DDX1: variants seen among roughly 807,000 people sequenced by gnomAD.
The protein encoded by DDX1 is DEAD-box helicase 1, also known as ATP-dependent RNA helicase DDX1.
DDX1 carries 28 observed loss-of-function variants against 108.7 expected under a neutral mutation model. The ratio of observed to expected loss-of-function variants is 0.26; its 90% confidence interval spans 0.19 to 0.35. The LOEUF (loss-of-function observed/expected upper bound fraction) is 0.35, where lower values mean the gene tolerates loss of function less well. Among genes scored for constraint, DDX1 ranks in the 10% least tolerant of loss-of-function variants. DDX1 has a pLI of 1.00. For synonymous variants in DDX1, 295 were observed against 288.9 expected (o/e 1.02, Z -0.21); for missense variants, 710 against 884.5 (o/e 0.80, Z 2.50).
At chr2:15,596,216 T>G (rs888187493) in intron 3 of DDX1, among the ~76,000 whole-genome samples, 2 of 152,112 alleles carry the variant, frequency 1.3e-5, no homozygotes, top group Non-Finnish European at 2.9e-5. Context: ...GCTTTTTAGG[T>G]AGAGAGAATA....
intron 23 of DDX1, 85 bp downstream of exon 23, chr2:15,628,924 T>G (rs150139049): frequency 4.5e-6 from 6 of 1,323,176 alleles, no homozygotes; most frequent in Non-Finnish European, 6.5e-6. Flanking sequence ...TTTTCCCATT[T>G]AAATTTAATT....
At chr2:15,603,164 T>C (rs1190443568) in intron 7 of DDX1, 28 bp from the exon 8 acceptor site, 1 of 1,455,688 alleles carries the variant, frequency 6.9e-7, no homozygotes, top group Admixed American at 1.9e-5. Flanking sequence ...GTGATTTATA[T>C]AAATCTCAAT....
intron 16 of DDX1, among the ~76,000 whole-genome samples, chr2:15,619,593 C>G (rs751402016): frequency 6.6e-6 from 1 of 152,198 alleles, no homozygotes; most frequent in African/African-American, 2.4e-5. Flanking sequence ...TTTGTTTGGT[C>G]CCCTCTCATT....
chr2:15,618,055 G>A, intron 15 of DDX1, 126 bp from the exon 16 acceptor site: 1 of 533,422 alleles, frequency 1.9e-6, no homozygotes. Flanking sequence ...ATAGGACTAT[G>A]TATATGCATG....
chr2:15,629,876 T>G lies in DDX1; in HGVS notation c.1972-114T>G, dbSNP rs1485313522. The G allele has an allele frequency of 2.6e-6, 3 of 1,155,554 alleles. No homozygotes were observed. In the African/African-American group the frequency reaches 4.8e-5, roughly 18 times the overall value. 71.6% of individuals were successfully genotyped at this position (1,155,554 alleles called of 1,614,324 possible). A position where few individuals can be genotyped will look rare whatever the true frequency, so the allele number is the denominator to read the frequency against. ...AGTTGTGAATTTCTCTCTTCAGAAATCTGACTTCCATTTATACCAAGCATT... is the reference window on the plus strand; with the variant it reads ...AGTTGTGAATTTCTCTCTTCAGAAAGCTGACTTCCATTTATACCAAGCATT... On this transcript the variant is annotated intron_variant, in intron 24 of 25. Transcript: ENST00000233084.
intron 16 of DDX1, 49 bp downstream of exon 16, chr2:15,618,319 G>GTA (rs1227037315): frequency 7.2e-6 from 7 of 978,930 alleles, no homozygotes; most frequent in Non-Finnish European, 1.1e-5. Flanking sequence ...CAATTGTTAT[G>GTA]TATAATGTTA....
chr2:15,630,155 C>T lies in DDX1; in HGVS notation c.2092+45C>T, dbSNP rs565738232. The T allele has an allele frequency of 1.6e-4, 259 of 1,601,574 alleles. 2 individuals are homozygous for T. In the South Asian group the frequency reaches 2.8e-3, roughly 17 times the overall value. The stretch of plus-strand genomic sequence containing the variant: ...AAATACAATTTTAAATGTAAATATA[C>T]CTGTTTTGAACTTCGGTTTGGGAAG... On this transcript the variant is annotated intron_variant, in intron 25 of 25. Coordinates refer to ENST00000233084, the MANE Select transcript of DDX1 (RefSeq NM_004939.3).
In DDX1 at chr2:15,620,416, A is replaced by G. The variant is rs1573049004; in HGVS notation, c.1395+20A>G. 6.3e-7 allele frequency: 1 copy of G among 1,587,682 alleles called. No individual in the cohort carries two copies. The highest frequency in any genetic ancestry group is 1.1e-5 in the South Asian group (1 of 87,790). The stretch of plus-strand genomic sequence containing the variant: ...ATTAGAGTAAGTGGTTTATAATATT[A>G]ACATTTATGTAGAATAAAGCAATTT... On this transcript the variant is annotated intron_variant, in intron 17 of 25. Coordinates refer to ENST00000233084, the MANE Select transcript of DDX1 (RefSeq NM_004939.3).
At chr2:15,621,477 T>A (rs963995348) in intron 18 of DDX1, 1 of 200,628 alleles carries the variant, frequency 5.0e-6, no homozygotes, top group East Asian at 1.6e-4. Context: ...CTAATTTTTT[T>A]ATATTTTTAG....
chr2:15,617,400 A>G, intron 15 of DDX1, 58 bp downstream of exon 15: 3 of 979,080 alleles, frequency 3.1e-6, no homozygotes, highest in Non-Finnish European at 4.5e-6. Flanking sequence ...TTGAGATAAA[A>G]TATATAAAAT....
At chr2:15,605,556 C>T (rs1024577601) in intron 10 of DDX1, among the ~76,000 whole-genome samples, 1 of 151,822 alleles carries the variant, frequency 6.6e-6, no homozygotes, top group African/African-American at 2.4e-5. Flanking sequence ...GGAGCCAGTT[C>T]AATAGAGAAT....
chr2:15,591,887 C>G lies in DDX1; in HGVS notation c.-47C>G, dbSNP rs199677503. 1 of 1,466,256 alleles carries G rather than the reference C, an allele frequency of 6.8e-7. No homozygotes were observed. Among genetic ancestry groups the G allele is most frequent in the African/African-American group, 1.5e-5 (1 of 67,344 alleles). 90.8% of individuals were successfully genotyped at this position (1,466,256 alleles called of 1,614,324 possible). A position where few individuals can be genotyped will look rare whatever the true frequency, so the allele number is the denominator to read the frequency against. ...GCCGCCACTGCCACGCCGTGTCAGTCGGGAGGGAGGGAGCGAGCAGGCGAA... is the reference window on the plus strand; with the variant it reads ...GCCGCCACTGCCACGCCGTGTCAGTGGGGAGGGAGGGAGCGAGCAGGCGAA... On this transcript the variant is annotated 5_prime_UTR_variant, in exon 1 of 26. Transcript: ENST00000233084.
chr2:15,600,022 A>G (rs1038998767), intron 6 of DDX1, among the ~76,000 whole-genome samples: 17 of 140,038 alleles, frequency 1.2e-4, no homozygotes, highest in African/African-American at 3.9e-4. Context: ...ATTGACTTCT[A>G]TCTCATATCA....
intron 23 of DDX1, among the ~76,000 whole-genome samples, chr2:15,629,289 CT>C (rs1666153530): frequency 6.6e-6 from 1 of 152,032 alleles, no homozygotes; most frequent in Non-Finnish European, 1.5e-5. Context: ...TTCTTTTGAA[CT>C]TTTTTATGTT....
intron 5 of DDX1, among the ~76,000 whole-genome samples, chr2:15,598,578 A>G (rs1265030080): frequency 6.6e-6 from 1 of 152,218 alleles, no homozygotes; most frequent in East Asian, 1.9e-4. Flanking sequence ...ACCAGGACCA[A>G]TTAGAAATAG....
intron 6 of DDX1, 65 bp from the exon 7 acceptor site, chr2:15,602,483 G>A (rs1665602745): frequency 4.4e-6 from 5 of 1,145,874 alleles, no homozygotes; most frequent in Non-Finnish European, 6.6e-6. Flanking sequence ...GTGGTAGGGG[G>A]TGGGAATGTA....
intron 16 of DDX1, among the ~76,000 whole-genome samples, chr2:15,619,464 T>G (rs1249905256): frequency 6.6e-6 from 1 of 152,206 alleles, no homozygotes; most frequent in Non-Finnish European, 1.5e-5. Flanking sequence ...CTGCAGCTCC[T>G]GCAGCCTCTC....
chr2:15,629,805 G>A, intron 24 of DDX1, 108 bp downstream of exon 24: 1 of 1,050,102 alleles, frequency 9.5e-7, no homozygotes, highest in Non-Finnish European at 1.4e-6. Flanking sequence ...ACTTATAAGG[G>A]AAAGTCGTAG....
chr2:15,602,435 G>C, intron 6 of DDX1, 113 bp from the exon 7 acceptor site: 2 of 702,160 alleles, frequency 2.8e-6, no homozygotes, highest in Non-Finnish European at 5.1e-6. Flanking sequence ...AACAAATGAA[G>C]GAATTATCTT....
Sources: gnomAD v4.1 joint callset for allele counts (sites outside exome capture counted in the v4.1 genomes callset) on GRCh38, gnomAD v4.1.1 for gene constraint, MANE v1.5 for transcripts, NCBI Gene and HGNC (gene_info 2026-07-23, HGNC 2026-07-21) for gene names.